Variants in DFFB observed in about 807,000 individuals in gnomAD.
DFFB encodes DNA fragmentation factor 40 kDa subunit.
In DFFB, 29 loss-of-function variants were observed where a neutral mutation model predicts 32.7. That is an observed-to-expected ratio of 0.89 (90% confidence interval 0.66 to 1.21). The LOEUF (loss-of-function observed/expected upper bound fraction) is 1.21, where lower values mean the gene tolerates loss of function less well. Among genes scored for constraint, DFFB ranks in the 50% most tolerant of loss-of-function variants. The pLI is 0.00. For missense variants in DFFB, 398 were observed against 440.6 expected, an observed-to-expected ratio of 0.90 and a Z score of 0.87; for synonymous variants, 170 against 177.1, an observed-to-expected ratio of 0.96 and a Z score of 0.32.
rs996211357 is a variant in DFFB at position 3,865,193 on chromosome 1, G to A, written c.242-619G>A. Among the ~76,000 whole-genome samples the A allele has an allele frequency of 1.3e-5, 2 of 152,092 alleles. No homozygotes were observed. The highest frequency in any genetic ancestry group is 4.8e-5 in the African/African-American group (2 of 41,394). ...ACTTCCACCAAGTCCTCACTCCCCAGCATGTCCTCCTGTCTTCTTCTGACC... is the reference window on the plus strand; with the variant it reads ...ACTTCCACCAAGTCCTCACTCCCCAACATGTCCTCCTGTCTTCTTCTGACC... On this transcript the variant is annotated intron_variant, in intron 2 of 6. Coordinates refer to ENST00000378209, the MANE Select transcript of DFFB (RefSeq NM_004402.4). The surrounding 1 kb of genome is among the most constrained non-coding windows in gnomAD (Gnocchi z 4.7).
chr1:3,876,633 C>T (rs1003656857), intron 6 of DFFB, among the ~76,000 whole-genome samples: 1 of 152,248 alleles, frequency 6.6e-6, no homozygotes, highest in Non-Finnish European at 1.5e-5. Flanking sequence ...AAAATGCATG[C>T]TGTCCCCCTA....
chr1:3,859,767 T>C (rs1644843451), intron 2 of DFFB, among the ~76,000 whole-genome samples: 1 of 152,124 alleles, frequency 6.6e-6, no homozygotes, highest in African/African-American at 2.4e-5. Flanking sequence ...AGCTGGAAAA[T>C]GTATCACTGT....
intron 4 of DFFB, among the ~76,000 whole-genome samples, chr1:3,869,113 A>G (rs951992427): frequency 6.6e-6 from 1 of 152,234 alleles, no homozygotes; most frequent in African/African-American, 2.4e-5. Context: ...AGGCTGGAGT[A>G]CAGTGGTGCA....
chr1:3,877,414 T>C (rs1645247021), intron 6 of DFFB, among the ~76,000 whole-genome samples: 2 of 146,862 alleles, frequency 1.4e-5, no homozygotes, highest in Admixed American at 1.4e-4. Context: ...CTGCAACCTC[T>C]GCCTCCCAGG....
In DFFB at chr1:3,858,819, C is replaced by T. The variant is rs1473852292; in HGVS notation, c.216C>T (p.Leu72=). Reference sequence around the variant, plus strand: ...CCGACAACGCCGAGCTGGTGCTGCTCACCTTGGGCCAGGCCTGGCAGGGCT... The same window carrying T: ...CCGACAACGCCGAGCTGGTGCTGCTTACCTTGGGCCAGGCCTGGCAGGGCT... ...SVPDNAELVL[L]TLGQAWQGYV... The change falls in exon 2 of 7, where the codon CTC becomes CTT. Residue 72 remains leucine (L), a synonymous_variant. Transcript: ENST00000378209. 1.2e-6 allele frequency: 2 copies of T among 1,614,000 alleles called. No homozygotes were observed. Among genetic ancestry groups the T allele is most frequent in the South Asian group, 2.2e-5 (2 of 91,086 alleles).
intron 6 of DFFB, among the ~76,000 whole-genome samples, chr1:3,875,215 A>T (rs1368623330): frequency 6.6e-6 from 1 of 152,232 alleles, no homozygotes; most frequent in Non-Finnish European, 1.5e-5. Context: ...CCCTGGGATG[A>T]ACACTCTATG....
chr1:3,867,721 TG>T, intron 3 of DFFB: 5 of 448,214 alleles, frequency 1.1e-5, no homozygotes, highest in Admixed American at 3.7e-5. Flanking sequence ...GGTGTGGTAG[TG>T]CGTCCCTGTA....
chr1:3,882,865 T>G (rs956864496), intron 6 of DFFB, among the ~76,000 whole-genome samples: 27 of 152,152 alleles, frequency 1.8e-4, no homozygotes, highest in Non-Finnish European at 2.6e-4. Context: ...TGTAATTTTT[T>G]GGGGGTAAAT....
At chr1:3,877,368 A>T (rs1250100441) in intron 6 of DFFB, among the ~76,000 whole-genome samples, 1 of 120,338 alleles carries the variant, frequency 8.3e-6, no homozygotes. Context: ...CTCACTCTGT[A>T]CTCAGGCTGG....
intron 4 of DFFB, among the ~76,000 whole-genome samples, chr1:3,869,058 A>G (rs1645056693): frequency 6.6e-6 from 1 of 151,988 alleles, no homozygotes. Flanking sequence ...GCCTGACTTT[A>G]TTAGCTCATC....
In DFFB at chr1:3,869,675, G is replaced by T. The variant is rs1557717583; in HGVS notation, c.581G>T (p.Cys194Phe). The change falls in exon 5 of 7, where the codon TGC becomes TTC. Residue 194 changes from cysteine (C) to phenylalanine (F), a missense_variant. Physicochemically the swap from Cys to Phe is radical, Grantham distance 205. Coordinates refer to ENST00000378209, the MANE Select transcript of DFFB (RefSeq NM_004402.4). ...EEFLRVLGSM[C>F]QRLRSMQYNG... ...TTCCTGCGGGTCCTCGGCTCCATGTGCCAGAGGCTCCGGTCCATGCAGTAC... is the reference window on the plus strand; with the variant it reads ...TTCCTGCGGGTCCTCGGCTCCATGTTCCAGAGGCTCCGGTCCATGCAGTAC... 6.2e-7 allele frequency: 1 copy of T among 1,613,512 alleles called. No individual in the cohort carries two copies. The highest frequency in any genetic ancestry group is 8.5e-7 in the Non-Finnish European group (1 of 1,179,850).
chr1:3,881,431 C>T (rs4073324), intron 6 of DFFB, among the ~76,000 whole-genome samples: 78,335 of 152,126 alleles, frequency 0.51, 20,336 homozygotes, highest in Non-Finnish European at 0.56. Flanking sequence ...CTCGGTCCCA[C>T]CTCCCTGTCT....
chr1:3,857,930 C>T (rs1321193827), intron 1 of DFFB, among the ~76,000 whole-genome samples: 2 of 152,192 alleles, frequency 1.3e-5, no homozygotes, highest in Non-Finnish European at 2.9e-5. Context: ...ACCTGGATCA[C>T]CCCTTCCCTC....
intron 5 of DFFB, among the ~76,000 whole-genome samples, chr1:3,871,735 T>A (rs969831998): frequency 6.6e-6 from 1 of 152,182 alleles, no homozygotes; most frequent in Non-Finnish European, 1.5e-5. Flanking sequence ...GGGTAATTTA[T>A]AAAGAAAAGA....
rs530862132 is a variant in DFFB at position 3,865,267 on chromosome 1, G to T, written c.242-545G>T. 1.2e-4 allele frequency among the ~76,000 whole-genome samples: 18 copies of T among 152,262 alleles called. No individual in the cohort carries two copies. Among genetic ancestry groups the T allele is most frequent in the Admixed American group, 6.5e-4 (10 of 15,274 alleles). ...TCTCATATGGTGGATCGCACTGATC[G>T]ATTTGCAGGTGTGAACCAGCCTTGC... On this transcript the variant is annotated intron_variant, in intron 2 of 6. Transcript: ENST00000378209. This position sits in a 1 kb window ranked among gnomAD's most constrained non-coding sequence, Gnocchi z 4.7.
At chr1:3,863,736 C>T (rs1026900564) in intron 2 of DFFB, among the ~76,000 whole-genome samples, 2 of 152,126 alleles carry the variant, frequency 1.3e-5, no homozygotes, top group African/African-American at 4.8e-5. Context: ...AAGAAGCCTG[C>T]ACATACAGTA....
chr1:3,881,170 G>A (rs1272062614), intron 6 of DFFB, among the ~76,000 whole-genome samples: 3 of 152,192 alleles, frequency 2.0e-5, no homozygotes, highest in Admixed American at 1.3e-4. Flanking sequence ...AGCCTGTCCT[G>A]GCTCCTTCAG....
At position 3,868,037 on chromosome 1, in the gene DFFB, G is replaced by A. The variant is rs201973418; in HGVS notation, c.494G>A (p.Arg165Gln). 5.7e-5 allele frequency: 92 copies of A among 1,614,090 alleles called. No homozygotes were observed. Among genetic ancestry groups the A allele is most frequent in the Middle Eastern group, 3.3e-4 (2 of 6,062 alleles). ...AGATACAGCTGTGAGAGCCGGATCCGGAGTTACCTGAGGGAGGTGAGCCTG... is the reference window on the plus strand; with the variant it reads ...AGATACAGCTGTGAGAGCCGGATCCAGAGTTACCTGAGGGAGGTGAGCCTG... ...YLRYSCESRI[R>Q]SYLREVSSYP... Residue 165 changes from arginine to glutamine, a missense_variant, in exon 4 of 7, where the codon CGG becomes CAG. By Grantham distance (43) the Arg-to-Gln change is conservative. Coordinates refer to ENST00000378209, the MANE Select transcript of DFFB (RefSeq NM_004402.4).
chr1:3,873,811 G>A (rs970210581), intron 6 of DFFB, among the ~76,000 whole-genome samples: 11 of 152,226 alleles, frequency 7.2e-5, no homozygotes, highest in Non-Finnish European at 1.0e-4. Context: ...TGCTCAGCTA[G>A]TCAGTATAAT....
Sources: gnomAD v4.1 joint callset for allele counts (sites outside exome capture counted in the v4.1 genomes callset) on GRCh38, gnomAD v4.1.1 for gene constraint, Gnocchi (gnomAD v3.1) non-coding constraint, MANE v1.5 for transcripts, NCBI Gene and HGNC (gene_info 2026-07-23, HGNC 2026-07-21) for gene names.